RNASEK: variants seen among roughly 807,000 people sequenced by gnomAD.
RNASEK encodes the protein ribonuclease K.
A neutral mutation model predicts 11.2 loss-of-function variants in RNASEK; 7 were observed. The ratio of observed to expected loss-of-function variants is 0.62; its 90% CI spans 0.35 to 1.17. The LOEUF is 1.17. Among genes scored for constraint, RNASEK ranks in the 50% most tolerant of loss-of-function variants. The probability of loss-of-function intolerance (pLI) is 0.02; values close to 1 mark genes in which losing one functional copy is unlikely to be tolerated. For missense variants in RNASEK, 101 were observed against 126.7 expected, an observed-to-expected ratio of 0.80 and a Z score of 0.97; for synonymous variants, 46 against 49.5, an observed-to-expected ratio of 0.93 and a Z score of 0.30.
chr17:7,014,392 G>A lies in RNASEK; in HGVS notation c.*106G>A. On this transcript the variant is annotated 3_prime_UTR_variant, in exon 3 of 3. Coordinates refer to ENST00000593646, the MANE Select transcript of RNASEK (RefSeq NM_001004333.5). The surrounding 1 kb of genome is among the most constrained non-coding windows in gnomAD (Gnocchi z 4.5). ...CTTGCCGGCGCCCTCTGCGGGACTG[G>A]GTTTCCCGGGCGAGAGACTGAATCC... The A allele has an allele frequency of 8.4e-7, 1 of 1,193,848 alleles. No individual in the cohort carries two copies. Among genetic ancestry groups the A allele is most frequent in the Non-Finnish European group, 1.2e-6 (1 of 842,896 alleles). The allele number at this position is 1,193,848 out of a possible 1,614,324, so 74.0% of individuals were successfully genotyped here. A position where few individuals can be genotyped will look rare whatever the true frequency, so the allele number is the denominator to read the frequency against.
intron 1 of RNASEK, 43 bp downstream of exon 1, chr17:7,012,804 C>G: frequency 6.3e-7 from 1 of 1,579,812 alleles, no homozygotes; most frequent in Non-Finnish European, 8.6e-7. Flanking sequence ...GCCTGAGGGG[C>G]TCCGGGCTGG....
intron 1 of RNASEK, 59 bp from the exon 2 acceptor site, chr17:7,013,607 C>T: frequency 1.3e-6 from 2 of 1,594,642 alleles, no homozygotes; most frequent in Non-Finnish European, 8.6e-7. Flanking sequence ...GAGGGGTTTA[C>T]GAAGTGAACA....
In RNASEK at chr17:7,014,242, T is replaced by G; in HGVS notation, c.253T>G (p.Cys85Gly). The change falls in exon 3 of 3, where the codon TGC becomes GGC. Residue 85 changes from cysteine (C) to glycine (G), a missense_variant. Cys to Gly is a radical substitution (Grantham distance 159). Coordinates refer to ENST00000593646, the MANE Select transcript of RNASEK (RefSeq NM_001004333.5). This position sits in a 1 kb window ranked among gnomAD's most constrained non-coding sequence, Gnocchi z 4.5. ...LYLLLGGFSF[C>G]QVRLNKRKEY... Reference sequence around the variant, plus strand: ...CCTCCTCCTCGGAGGCTTCTCTTTCTGCCAAGTTCGGCTCAATAAGCGCAA... The same window carrying G: ...CCTCCTCCTCGGAGGCTTCTCTTTCGGCCAAGTTCGGCTCAATAAGCGCAA... The G allele has an allele frequency of 6.2e-7, 1 of 1,613,548 alleles. No homozygotes were observed. Among genetic ancestry groups the G allele is most frequent in the Non-Finnish European group, 8.5e-7 (1 of 1,179,706 alleles).
intron 1 of RNASEK, chr17:7,013,005 A>G (rs962624296): frequency 6.5e-5 from 34 of 523,056 alleles, no homozygotes; most frequent in Non-Finnish European, 1.2e-4. Flanking sequence ...CCCGCCTGTA[A>G]TCCCAGCTAC....
At position 7,012,726 on chromosome 17, in the gene RNASEK, G is replaced by A. The variant is rs1597330661; in HGVS notation, c.43G>A (p.Gly15Ser). ...LCCGPKLAAC[G>S]IVLSAWGVIM... ...CTGTGGGCCGAAGCTGGCCGCCTGC[G>A]GCATCGTCCTCAGCGCCTGGGGAGT... The change falls in exon 1 of 3, where the codon GGC (glycine) becomes AGC (serine). Residue 15 changes from glycine to serine, a missense_variant. Coordinates refer to ENST00000593646, the MANE Select transcript of RNASEK (RefSeq NM_001004333.5). The A allele has an allele frequency of 1.2e-6, 2 of 1,613,326 alleles. No homozygotes were observed. The highest frequency in any genetic ancestry group is 1.7e-5 in the Admixed American group (1 of 60,028).
Position 7,014,164 on chromosome 17 carries a change from T to C in RNASEK, c.175T>C (p.Tyr59His), listed in dbSNP as rs1052004802. 5 of 1,562,710 alleles carry C rather than the reference T, an allele frequency of 3.2e-6. No homozygotes were observed. Among genetic ancestry groups the C allele is most frequent in the East Asian group, 4.8e-5 (2 of 41,776 alleles). The change falls in exon 3 of 3, where the codon TAC becomes CAC. Residue 59 changes from tyrosine (Y) to histidine (H), a missense_variant. By Grantham distance (83) the Tyr-to-His change is moderately conservative (BLOSUM62 2). Transcript: ENST00000593646. The surrounding 1 kb of genome is among the most constrained non-coding windows in gnomAD (Gnocchi z 4.5). ...KDFENGPQNI[Y>H]NLYEQVSYNC... ...CCCCAGGAATGGCCCCCAGAACATA[T>C]ACAACCTTTACGAGCAAGTCAGCTA...
rs1228839590 is a variant in RNASEK at position 7,014,404 on chromosome 17, G to C, written c.*118G>C. 1.9e-6 allele frequency: 2 copies of C among 1,069,458 alleles called. No homozygotes were observed. The highest frequency in any genetic ancestry group is 2.7e-6 in the Non-Finnish European group (2 of 738,302). The allele number at this position is 1,069,458 out of a possible 1,614,324, so 66.2% of individuals were successfully genotyped here. On this transcript the variant is annotated 3_prime_UTR_variant, in exon 3 of 3. Coordinates refer to ENST00000593646, the MANE Select transcript of RNASEK (RefSeq NM_001004333.5). This position sits in a 1 kb window ranked among gnomAD's most constrained non-coding sequence, Gnocchi z 4.5. ...CTCTGCGGGACTGGGTTTCCCGGGC[G>C]AGAGACTGAATCCCTTCTCCCATCT...
chr17:7,014,505 T>C lies in RNASEK; in HGVS notation c.*219T>C. On this transcript the variant is annotated 3_prime_UTR_variant, in exon 3 of 3. Coordinates refer to ENST00000593646, the MANE Select transcript of RNASEK (RefSeq NM_001004333.5). This position sits in a 1 kb window ranked among gnomAD's most constrained non-coding sequence, Gnocchi z 4.5. The stretch of plus-strand genomic sequence containing the variant: ...TCTCCACCCTTCGCTGTGTCCCGTA[T>C]CTCAATAAAGAGAATCTGCTCTCTT... 3.3e-6 allele frequency: 2 copies of C among 614,926 alleles called. No homozygotes were observed. The highest frequency in any genetic ancestry group is 2.0e-5 in the South Asian group (1 of 50,494). The allele number at this position is 614,926 out of a possible 1,614,324, so 38.1% of individuals were successfully genotyped here. A position where few individuals can be genotyped will look rare whatever the true frequency, so the allele number is the denominator to read the frequency against.
At chr17:7,013,980 C>A (rs79285097) in intron 2 of RNASEK, among the ~76,000 whole-genome samples, 165 bp from the exon 3 acceptor site, 2,838 of 152,290 alleles carry the variant, frequency 0.019, 97 homozygotes, top group African/African-American at 0.064. Context: ...GCTTCTCAGT[C>A]CACCTCTGCA....
chr17:7,013,446 T>C (rs1415659446), intron 1 of RNASEK: 1 of 1,537,782 alleles, frequency 6.5e-7, no homozygotes, highest in Non-Finnish European at 8.7e-7. Context: ...CTGGGAGAGA[T>C]GGCTTGGTCA....
chr17:7,014,026 C>T lies in RNASEK; in HGVS notation c.156-119C>T. The stretch of plus-strand genomic sequence containing the variant: ...GACAGATCTCACCCCATAGGATGGT[C>T]AAGAAGATTGAATAAAGTAATACAC... On this transcript the variant is annotated intron_variant, in intron 2 of 2. Transcript: ENST00000593646. The surrounding 1 kb of genome is among the most constrained non-coding windows in gnomAD (Gnocchi z 4.5). 2.0e-6 allele frequency: 2 copies of T among 983,658 alleles called. No homozygotes were observed. The highest frequency in any genetic ancestry group is 3.1e-6 in the Non-Finnish European group (2 of 649,368). The allele number at this position is 983,658 out of a possible 1,614,324, so 60.9% of individuals were successfully genotyped here.
rs1457639708 is a variant in RNASEK at position 7,014,176 on chromosome 17, G to A, written c.187G>A (p.Glu63Lys). 1.9e-6 allele frequency: 3 copies of A among 1,573,876 alleles called. No individual in the cohort carries two copies. The highest frequency in any genetic ancestry group is 2.6e-6 in the Non-Finnish European group (3 of 1,159,260). ...CCCCCAGAACATATACAACCTTTAC[G>A]AGCAAGTCAGCTACAACTGTTTCAT... Reference protein sequence around the residue: ...NGPQNIYNLYEQVSYNCFIAA... With the variant: ...NGPQNIYNLYKQVSYNCFIAA... Residue 63 changes from glutamate to lysine, a missense_variant, in exon 3 of 3, where the codon GAG becomes AAG. Glu to Lys is a moderately conservative substitution (Grantham distance 56, BLOSUM62 1). Transcript: ENST00000593646. The surrounding 1 kb of genome is among the most constrained non-coding windows in gnomAD (Gnocchi z 4.5).
In RNASEK at chr17:7,014,200, A is replaced by T; in HGVS notation, c.211A>T (p.Ile71Phe). 1.3e-6 allele frequency: 2 copies of T among 1,599,948 alleles called. No individual in the cohort carries two copies. Among genetic ancestry groups the T allele is most frequent in the Non-Finnish European group, 1.7e-6 (2 of 1,173,102 alleles). Residue 71 changes from isoleucine (I) to phenylalanine (F), a missense_variant, in exon 3 of 3, where the codon ATC (isoleucine) becomes TTC (phenylalanine). Physicochemically the swap from Ile to Phe is conservative, Grantham distance 21. Coordinates refer to ENST00000593646, the MANE Select transcript of RNASEK (RefSeq NM_001004333.5). This position sits in a 1 kb window ranked among gnomAD's most constrained non-coding sequence, Gnocchi z 4.5. ...CGAGCAAGTCAGCTACAACTGTTTC[A>T]TCGCTGCAGGCCTTTACCTCCTCCT... ...LYEQVSYNCF[I>F]AAGLYLLLGG...
rs770512293 is a variant in RNASEK, at chr17:7,014,097, G to C, written c.156-48G>C. 6.5e-7 allele frequency: 1 copy of C among 1,537,904 alleles called. No individual in the cohort carries two copies. The highest frequency in any genetic ancestry group is 1.4e-5 in the African/African-American group (1 of 72,664). Reference sequence around the variant, plus strand: ...GTCGGGCACATAGTGCTCAGAAAATGTTGGCTCCTATTAAAGTTTGACCCC... The same window carrying C: ...GTCGGGCACATAGTGCTCAGAAAATCTTGGCTCCTATTAAAGTTTGACCCC... On this transcript the variant is annotated intron_variant, in intron 2 of 2. Coordinates refer to ENST00000593646, the MANE Select transcript of RNASEK (RefSeq NM_001004333.5). This position sits in a 1 kb window ranked among gnomAD's most constrained non-coding sequence, Gnocchi z 4.5.
chr17:7,014,059 C>G lies in RNASEK; in HGVS notation c.156-86C>G. ...TTGAATAAAGTAATACACGTAACAG[C>G]GCCTAAACAGGTGTCGGGCACATAG... On this transcript the variant is annotated intron_variant, in intron 2 of 2. Coordinates refer to ENST00000593646, the MANE Select transcript of RNASEK (RefSeq NM_001004333.5). The surrounding 1 kb of genome is among the most constrained non-coding windows in gnomAD (Gnocchi z 4.5). The G allele has an allele frequency of 8.1e-7, 1 of 1,229,130 alleles. No homozygotes were observed. Among genetic ancestry groups the G allele is most frequent in the South Asian group, 1.3e-5 (1 of 75,964 alleles). The allele number at this position is 1,229,130 out of a possible 1,614,324, so 76.1% of individuals were successfully genotyped here.
chr17:7,013,625 A>T (rs1909590514), intron 1 of RNASEK, 41 bp from the exon 2 acceptor site: 1 of 1,596,250 alleles, frequency 6.3e-7, no homozygotes, highest in African/African-American at 1.3e-5. Context: ...ACATGAGGTC[A>T]GGTGCCTGAA....
chr17:7,012,671 G>A lies in RNASEK; in HGVS notation c.-13G>A, dbSNP rs971329888. 1.2e-6 allele frequency: 2 copies of A among 1,612,380 alleles called. No individual in the cohort carries two copies. Among genetic ancestry groups the A allele is most frequent in the African/African-American group, 1.3e-5 (1 of 74,948 alleles). On this transcript the variant is annotated 5_prime_UTR_variant, in exon 1 of 3. Transcript: ENST00000593646. ...GCCCGCTTGCACCTCGGCGATCCCC[G>A]ACTCCCTTCTTTATGGCGTCGCTCC...
rs74530795 is a variant in RNASEK, at chr17:7,014,115, T to C, written c.156-30T>C. 12 of 1,550,878 alleles carry C rather than the reference T, an allele frequency of 7.7e-6. No homozygotes were observed. Among genetic ancestry groups the C allele is most frequent in the South Asian group, 1.2e-5 (1 of 84,086 alleles). On this transcript the variant is annotated intron_variant, in intron 2 of 2. Coordinates refer to ENST00000593646, the MANE Select transcript of RNASEK (RefSeq NM_001004333.5). This position sits in a 1 kb window ranked among gnomAD's most constrained non-coding sequence, Gnocchi z 4.5. ...AGAAAATGTTGGCTCCTATTAAAGT[T>C]TGACCCCTTTGCTTCATTCCCACCC...
chr17:7,012,949 A>T, intron 1 of RNASEK, 188 bp downstream of exon 1: 1 of 592,874 alleles, frequency 1.7e-6, no homozygotes, highest in East Asian at 2.9e-5. Flanking sequence ...ACATGGTGAA[A>T]CCCCGTCTCC....
Sources: allele counts gnomAD v4.1 joint callset (sites outside exome capture counted in the v4.1 genomes callset), GRCh38; gene constraint gnomAD v4.1.1; non-coding constraint Gnocchi (gnomAD v3.1); transcripts MANE v1.5; gene names NCBI Gene and HGNC (gene_info 2026-07-23, HGNC 2026-07-21).